SMAD2: variants seen among roughly 807,000 people sequenced by gnomAD.
The protein encoded by SMAD2 is SMAD family member 2.
Under a neutral mutation model 64.4 loss-of-function variants are expected in SMAD2, and 8 were observed. That is an observed-to-expected ratio of 0.12 (90% CI 0.07 to 0.22). The LOEUF (loss-of-function observed/expected upper bound fraction) is 0.22. SMAD2 is among the 10% of genes least tolerant of loss of function. SMAD2 has a pLI of 1.00. For synonymous variants in SMAD2, 203 were observed against 195.8 expected (o/e 1.04, Z -0.31); for missense variants, 289 against 561.2 (o/e 0.51, Z 4.90).
chr18:47,831,438 ATC>A lies in SMAD2; in HGVS notation c.*10387_*10388del, dbSNP rs1352642267. 2 of 152,252 alleles carry A rather than the reference ATC, an allele frequency of 1.3e-5. No homozygotes were observed. Among genetic ancestry groups the A allele is most frequent in the Non-Finnish European group, 2.9e-5 (2 of 68,050 alleles). The allele number at this position is 152,252 out of a possible 1,614,324, so 9.4% of individuals were successfully genotyped here. A position where few individuals can be genotyped will look rare whatever the true frequency, so the allele number is the denominator to read the frequency against. The stretch of plus-strand genomic sequence containing the variant: ...GTTAACTTCTTTTTCCTGTCATCAC[ATC>A]TCTTTCCTAAACTACTTTAGAACTT... On this transcript the variant is annotated 3_prime_UTR_variant, in exon 11 of 11. Transcript: ENST00000262160.
chr18:47,823,052 AT>A lies in SMAD2; in HGVS notation c.*18774del, dbSNP rs559603140. ...AGTTCAATAAAAATCGGCTCTCGTT[AT>A]AACAGGATACAATTGGAAACACTGG... On this transcript the variant is annotated 3_prime_UTR_variant, in exon 11 of 11. Transcript: ENST00000262160. 184 of 152,346 alleles carry A rather than the reference AT, an allele frequency of 1.2e-3. No homozygotes were observed. The highest frequency in any genetic ancestry group is 4.1e-3 in the African/African-American group (172 of 41,588). 9.4% of individuals were successfully genotyped at this position (152,346 alleles called of 1,614,324 possible). A position where few individuals can be genotyped will look rare whatever the true frequency, so the allele number is the denominator to read the frequency against.
chr18:47,886,561 ATATCTATCCATC>A (rs1184972825), intron 2 of SMAD2, among the ~76,000 whole-genome samples: 9 of 135,114 alleles, frequency 6.7e-5, no homozygotes, highest in African/African-American at 2.5e-4. Context: ...AACTATATCT[ATATCTATCCATC>A]TATCTATCTA....
rs1598738992 is a variant in SMAD2 at position 47,840,326 on chromosome 18, A to G, written c.*1501T>C. 4 of 232,854 alleles carry G rather than the reference A, an allele frequency of 1.7e-5. No homozygotes were observed. The Admixed American group carries it at 2.2e-4, about 13-fold the overall frequency. 14.4% of individuals were successfully genotyped at this position (232,854 alleles called of 1,614,324 possible). On this transcript the variant is annotated 3_prime_UTR_variant, in exon 11 of 11. Transcript: ENST00000262160. ...TTCCATTTCTACTAAGATGCAAACAAGAAGAAATGTTTAAACTGCAATGAG... is the reference window on the plus strand; with the variant it reads ...TTCCATTTCTACTAAGATGCAAACAGGAAGAAATGTTTAAACTGCAATGAG...
intron 8 of SMAD2, among the ~76,000 whole-genome samples, chr18:47,846,327 C>T (rs1914484897): frequency 6.6e-6 from 1 of 151,988 alleles, no homozygotes; most frequent in Non-Finnish European, 1.5e-5. Context: ...TAATATACTT[C>T]TTTCAGAATC....
chr18:47,888,888 C>G (rs1254389147), intron 2 of SMAD2, among the ~76,000 whole-genome samples: 2 of 152,060 alleles, frequency 1.3e-5, no homozygotes, highest in African/African-American at 2.4e-5. Flanking sequence ...AACTGCCACA[C>G]AGAAGACTTT....
intron 2 of SMAD2, among the ~76,000 whole-genome samples, chr18:47,893,345 A>T (rs1391979569): frequency 6.6e-6 from 1 of 152,228 alleles, no homozygotes; most frequent in African/African-American, 2.4e-5. Flanking sequence ...ACCCCACTCT[A>T]ATATTAAGGG....
At chr18:47,859,169 A>G (rs909667385) in intron 6 of SMAD2, among the ~76,000 whole-genome samples, 2 of 152,164 alleles carry the variant, frequency 1.3e-5, no homozygotes, top group African/African-American at 4.8e-5. Context: ...GTATCATCTA[A>G]TAACAGAGGT....
chr18:47,882,041 C>CTTTTTGTTTTTTTTT (rs2032625649), intron 2 of SMAD2, among the ~76,000 whole-genome samples: 1 of 38,852 alleles, frequency 2.6e-5, no homozygotes. Context: ...CCACGCTTGG[C>CTTTTTGTTTTTTTTT]TTTTTTTTTT....
intron 6 of SMAD2, among the ~76,000 whole-genome samples, chr18:47,861,239 C>T (rs1465817528): frequency 6.6e-6 from 1 of 151,914 alleles, no homozygotes; most frequent in Non-Finnish European, 1.5e-5. Flanking sequence ...GCCTGTAAAC[C>T]CAGCTACTCA....
intron 1 of SMAD2, among the ~76,000 whole-genome samples, chr18:47,923,326 T>A (rs2034638714): frequency 6.6e-6 from 1 of 152,188 alleles, no homozygotes. Flanking sequence ...ACCACGTCAA[T>A]TCACGTGAGT....
At chr18:47,901,158 A>G (rs2033668463) in intron 1 of SMAD2, among the ~76,000 whole-genome samples, 1 of 152,148 alleles carries the variant, frequency 6.6e-6, no homozygotes, top group Non-Finnish European at 1.5e-5. Context: ...TTTTAGTTCA[A>G]AATAAAATTT....
At chr18:47,927,063 TTAAC>T (rs1409652972) in intron 1 of SMAD2, among the ~76,000 whole-genome samples, 4 of 152,312 alleles carry the variant, frequency 2.6e-5, no homozygotes, top group East Asian at 1.9e-4. Context: ...GGGTCTCGGT[TTAAC>T]TAACTTTTTA....
chr18:47,896,041 T>A (rs1351106103), intron 2 of SMAD2, among the ~76,000 whole-genome samples: 3 of 152,222 alleles, frequency 2.0e-5, no homozygotes, highest in Non-Finnish European at 4.4e-5. Flanking sequence ...TTAAGACAGG[T>A]TCTGACTAAT....
chr18:47,881,782 G>A (rs2032604837), intron 2 of SMAD2, among the ~76,000 whole-genome samples: 1 of 152,188 alleles, frequency 6.6e-6, no homozygotes, highest in Admixed American at 6.5e-5. Context: ...TGCTTATCAT[G>A]AATGGATGAT....
chr18:47,896,062 AT>A (rs1167530738), intron 2 of SMAD2, among the ~76,000 whole-genome samples: 1 of 152,244 alleles, frequency 6.6e-6, no homozygotes, highest in Non-Finnish European at 1.5e-5. Flanking sequence ...GCCTACAACA[AT>A]TAAGAAGCCA....
intron 1 of SMAD2, among the ~76,000 whole-genome samples, chr18:47,910,227 G>T (rs1477314778): frequency 6.7e-6 from 1 of 149,878 alleles, no homozygotes; most frequent in Non-Finnish European, 1.5e-5. Flanking sequence ...TCTTTTTAGA[G>T]AAATTCAAGG....
intron 2 of SMAD2, among the ~76,000 whole-genome samples, chr18:47,884,109 T>C (rs745546022): frequency 9.9e-5 from 15 of 152,180 alleles, no homozygotes; most frequent in Non-Finnish European, 1.6e-4. Context: ...TTGGACCAAC[T>C]TGGAAGCCTG....
intron 2 of SMAD2, among the ~76,000 whole-genome samples, chr18:47,881,789 T>C (rs897520009): frequency 6.6e-6 from 1 of 152,220 alleles, no homozygotes; most frequent in Admixed American, 6.5e-5. Flanking sequence ...CATGAATGGA[T>C]GATGAATTTT....
intron 1 of SMAD2, among the ~76,000 whole-genome samples, chr18:47,907,341 T>C (rs374350436): frequency 7.9e-5 from 12 of 152,026 alleles, no homozygotes; most frequent in African/African-American, 2.9e-4. Context: ...CAGGAACAAA[T>C]ATGAATGAGC....
Sources: allele counts gnomAD v4.1 joint callset (sites outside exome capture counted in the v4.1 genomes callset), GRCh38; gene constraint gnomAD v4.1.1; transcripts MANE v1.5; gene names NCBI Gene and HGNC (gene_info 2026-07-23, HGNC 2026-07-21).